The following FOXP2 variants were observed in gnomAD, a reference collection of about 807,000 sequenced individuals.
The protein encoded by FOXP2 is forkhead box protein P2.
Under a neutral mutation model 115.8 loss-of-function variants are expected in FOXP2, and 12 were observed. The observed-to-expected ratio is 0.10, with a 90% CI of 0.07 to 0.17. FOXP2 has a LOEUF of 0.17. Ranked by LOEUF, FOXP2 falls within the 10% of genes least tolerant of loss-of-function variation. The probability of loss-of-function intolerance (pLI) is 1.00; values close to 1 mark genes in which losing one functional copy is unlikely to be tolerated. For synonymous variants in FOXP2, 328 were observed against 297.7 expected (o/e 1.10, Z -1.05); for missense variants, 629 against 843.5 (o/e 0.75, Z 3.15).
chr7:114,547,062 A>G (rs918878156), intron 3 of FOXP2, among the ~76,000 whole-genome samples: 1 of 152,224 alleles, frequency 6.6e-6, no homozygotes, highest in Admixed American at 6.5e-5. Flanking sequence ...ACTTAGAAGC[A>G]GATATGAATA....
intron 1 of FOXP2, among the ~76,000 whole-genome samples, chr7:114,240,768 C>T (rs1795132261): frequency 6.6e-6 from 1 of 151,658 alleles, no homozygotes; most frequent in Non-Finnish European, 1.5e-5. Flanking sequence ...TTATTCATTT[C>T]CACTTCCTGT....
chr7:114,264,477 T>C (rs1795845592), intron 1 of FOXP2, among the ~76,000 whole-genome samples: 2 of 152,230 alleles, frequency 1.3e-5, no homozygotes, highest in Non-Finnish European at 1.5e-5. Flanking sequence ...GTCTGCACTT[T>C]AATGTCTGGG....
At chr7:114,598,458 C>T (rs534231710) in intron 3 of FOXP2, among the ~76,000 whole-genome samples, 2 of 152,154 alleles carry the variant, frequency 1.3e-5, no homozygotes, top group East Asian at 1.9e-4. Context: ...TTTTGCTCAG[C>T]GTAGAGTGGA....
At chr7:114,248,208 G>C (rs1047434575) in intron 1 of FOXP2, among the ~76,000 whole-genome samples, 1 of 150,902 alleles carries the variant, frequency 6.6e-6, no homozygotes. Context: ...GAGAGAGAGA[G>C]AGAGACAGAG....
At chr7:114,444,445 A>G (rs974942996) in intron 2 of FOXP2, among the ~76,000 whole-genome samples, 2 of 152,172 alleles carry the variant, frequency 1.3e-5, no homozygotes, top group African/African-American at 4.8e-5. Context: ...TGATTTTTAT[A>G]GCACTTGGTT....
chr7:114,166,032 A>T (rs1350680497), intron 1 of FOXP2, among the ~76,000 whole-genome samples: 2 of 152,186 alleles, frequency 1.3e-5, no homozygotes, highest in Non-Finnish European at 2.9e-5. Flanking sequence ...TTCAACAAAT[A>T]GTGCTTAAAC....
At chr7:114,341,331 G>C (rs1562878314) in intron 2 of FOXP2, among the ~76,000 whole-genome samples, 2 of 151,148 alleles carry the variant, frequency 1.3e-5, no homozygotes, top group Non-Finnish European at 3.0e-5. Flanking sequence ...CCCCCAAAGA[G>C]TGAGTATTAT....
chr7:114,251,911 G>A (rs1423409829), intron 1 of FOXP2, among the ~76,000 whole-genome samples: 1 of 152,152 alleles, frequency 6.6e-6, no homozygotes, highest in Non-Finnish European at 1.5e-5. Flanking sequence ...CATTCAGTAT[G>A]ATATTGGCTG....
At chr7:114,678,916 A>G (rs949782646) in intron 16 of FOXP2, among the ~76,000 whole-genome samples, 7 of 152,124 alleles carry the variant, frequency 4.6e-5, no homozygotes, top group African/African-American at 1.7e-4. Flanking sequence ...TAACTATTTT[A>G]TTGATTTTTA....
intron 2 of FOXP2, among the ~76,000 whole-genome samples, chr7:114,333,856 C>T (rs1014897587): frequency 8.6e-5 from 13 of 151,626 alleles, no homozygotes; most frequent in Admixed American, 8.5e-4. Context: ...CCACTGCCCT[C>T]CAGCTTGGGT....
intron 2 of FOXP2, among the ~76,000 whole-genome samples, chr7:114,379,534 G>A (rs759736057): frequency 2.6e-5 from 4 of 152,140 alleles, no homozygotes; most frequent in Non-Finnish European, 4.4e-5. Flanking sequence ...TTTCTCGGGA[G>A]GGGTGCCTTC....
chr7:114,514,369 C>T (rs1213499414), intron 2 of FOXP2, among the ~76,000 whole-genome samples: 1 of 152,018 alleles, frequency 6.6e-6, no homozygotes, highest in African/African-American at 2.4e-5. Context: ...ATTTATTCCT[C>T]CTGTCTAACT....
intron 3 of FOXP2, among the ~76,000 whole-genome samples, chr7:114,560,122 T>C (rs1264682416): frequency 6.6e-6 from 1 of 152,124 alleles, no homozygotes; most frequent in African/African-American, 2.4e-5. Flanking sequence ...AAAAGTGGAA[T>C]GAGTATATAG....
intron 2 of FOXP2, among the ~76,000 whole-genome samples, chr7:114,396,803 T>TATTCTTGA: frequency 6.6e-6 from 1 of 152,180 alleles, no homozygotes; most frequent in Admixed American, 6.5e-5. Context: ...GAATATAATG[T>TATTCTTGA]ATTCTTGAAA....
chr7:114,645,281 G>T (rs967052725), intron 8 of FOXP2: 1 of 149,282 alleles, frequency 6.7e-6, no homozygotes, highest in Non-Finnish European at 1.5e-5. Context: ...AGAATTAAAA[G>T]TGAAAGTTTA....
intron 1 of FOXP2, among the ~76,000 whole-genome samples, chr7:114,260,402 G>A (rs1211888063): frequency 1.3e-5 from 2 of 151,840 alleles, no homozygotes; most frequent in Non-Finnish European, 2.9e-5. Context: ...TTTGAAAACC[G>A]TCTGCCGCCA....
intron 2 of FOXP2, among the ~76,000 whole-genome samples, chr7:114,400,269 C>T (rs1792855518): frequency 1.3e-5 from 2 of 151,988 alleles, no homozygotes; most frequent in South Asian, 4.1e-4. Flanking sequence ...TGTAAAACTC[C>T]ATTTCTTATA....
At position 114,431,969 on chromosome 7, in the gene FOXP2, C is replaced by A. The variant is rs149351368; in HGVS notation, c.168+5290C>A. Among the ~76,000 whole-genome samples, 192 of 152,010 alleles carry A rather than the reference C, an allele frequency of 1.3e-3. 1 individual carries two copies. The highest frequency in any genetic ancestry group is 4.5e-3 in the African/African-American group (186 of 41,514). Reference sequence around the variant, plus strand: ...ACTGTACAGTCATAATTCTGTCTTGCATTAACTGGCTAGCTATGCTTTTAG... The same window carrying A: ...ACTGTACAGTCATAATTCTGTCTTGAATTAACTGGCTAGCTATGCTTTTAG... On this transcript the variant is annotated intron_variant, in intron 2 of 16. Transcript: ENST00000350908.
intron 1 of FOXP2, among the ~76,000 whole-genome samples, chr7:114,231,844 A>C (rs1391321327): frequency 6.6e-6 from 1 of 152,222 alleles, no homozygotes; most frequent in Non-Finnish European, 1.5e-5. Flanking sequence ...AAACACTGGC[A>C]ACAAAAGCAC....
Sources: gnomAD v4.1 joint callset for allele counts (sites outside exome capture counted in the v4.1 genomes callset) on GRCh38, gnomAD v4.1.1 for gene constraint, MANE v1.5 for transcripts, NCBI Gene and HGNC (gene_info 2026-07-23, HGNC 2026-07-21) for gene names.